RMND5B: variants seen among roughly 807,000 people sequenced by gnomAD.
RMND5B encodes the protein E3 ubiquitin-protein transferase RMND5B.
A neutral mutation model predicts 50.4 loss-of-function variants in RMND5B; 42 were observed. The ratio of observed to expected loss-of-function variants is 0.83; its 90% confidence interval spans 0.65 to 1.08. The LOEUF (loss-of-function observed/expected upper bound fraction) is 1.08, where lower values mean the gene tolerates loss of function less well. Ranked by LOEUF, RMND5B falls within the 50% of genes least tolerant of loss-of-function variation. RMND5B has a pLI of 0.00. For missense variants in RMND5B, 463 were observed against 508.5 expected (o/e 0.91, Z 0.86); for synonymous variants, 220 against 210.0 (o/e 1.05, Z -0.41).
Position 178,132,070 on chromosome 5 carries a change from T to G in RMND5B, c.-13+694T>G, listed in dbSNP as rs547196864. ...GTTCACGCCCGTAATTCCAGCACTTTGGGAGGCTGAGACTGGCAGACGGCT... is the reference window on the plus strand; with the variant it reads ...GTTCACGCCCGTAATTCCAGCACTTGGGGAGGCTGAGACTGGCAGACGGCT... On this transcript the variant is annotated intron_variant, in intron 2 of 10. Coordinates refer to ENST00000313386, the MANE Select transcript of RMND5B (RefSeq NM_022762.5). 1.6e-3 allele frequency among the ~76,000 whole-genome samples: 244 copies of G among 152,256 alleles called. 2 individuals carry two copies. The highest frequency in any genetic ancestry group is 5.4e-3 in the African/African-American group (223 of 41,546).
At chr5:178,142,483 C>T (rs1423358127) in intron 3 of RMND5B, 100 bp from the exon 4 acceptor site, 1 of 1,383,334 alleles carries the variant, frequency 7.2e-7, no homozygotes, top group Admixed American at 2.3e-5. Flanking sequence ...GGGCTGCCTC[C>T]TGGGCTACGG....
intron 3 of RMND5B, among the ~76,000 whole-genome samples, chr5:178,139,129 C>T (rs553714669): frequency 3.3e-5 from 5 of 151,988 alleles, no homozygotes; most frequent in Admixed American, 2.0e-4. Context: ...GAGCAAGACT[C>T]GTCTCAAAAA....
chr5:178,143,682 G>A lies in RMND5B; in HGVS notation c.482G>A (p.Arg161Gln). 1 of 1,614,152 alleles carries A rather than the reference G, an allele frequency of 6.2e-7. No individual in the cohort carries two copies. Among genetic ancestry groups the A allele is most frequent in the East Asian group, 2.2e-5 (1 of 44,892 alleles). ...AAGCAGCCTTTCCTAGAGTTGAATC[G>A]AATCCTGGAAGCCCTGCACGAACAA... ...DFKQPFLELN[R>Q]ILEALHEQDL... is the part of the protein sequence containing the mutation. Residue 161 changes from arginine to glutamine, a missense_variant, in exon 6 of 11, where the codon CGA (arginine) becomes CAA (glutamine). Transcript: ENST00000313386.
Position 178,148,376 on chromosome 5 carries a change from C to T in RMND5B, c.*344C>T. ...ACATCCTTCCACCCCTGCCCTCAGC[C>T]AAGTCTCTTGCTGCCATGCCAATGC... On this transcript the variant is annotated 3_prime_UTR_variant, in exon 11 of 11. Transcript: ENST00000313386. 2.7e-6 allele frequency: 1 copy of T among 375,554 alleles called. No homozygotes were observed. The highest frequency in any genetic ancestry group is 6.2e-5 in the East Asian group (1 of 16,144). 23.3% of individuals were successfully genotyped at this position (375,554 alleles called of 1,614,324 possible).
Position 178,138,303 on chromosome 5 carries a change from G to T in RMND5B, c.139+45G>T, listed in dbSNP as rs1340769424. On this transcript the variant is annotated intron_variant, in intron 3 of 10. Coordinates refer to ENST00000313386, the MANE Select transcript of RMND5B (RefSeq NM_022762.5). This position sits in a 1 kb window ranked among gnomAD's most constrained non-coding sequence, Gnocchi z 5.1. ...AGTGCCCTGCGACAGCCTCCCTGAG[G>T]ACATGGGAGACCCGAAGCTACTGAG... 6.2e-7 allele frequency: 1 copy of T among 1,600,444 alleles called. No individual in the cohort carries two copies.
rs760387337 is a variant in RMND5B at position 178,148,446 on chromosome 5, C to T, written c.*414C>T. On this transcript the variant is annotated 3_prime_UTR_variant, in exon 11 of 11. Transcript: ENST00000313386. ...CGGCCCAAGAGTGTCCAGCGGTGGC[C>T]CACCTCTTCCTCCCACTACAGCCTC... The T allele has an allele frequency of 5.8e-5, 15 of 256,808 alleles. No homozygotes were observed. The highest frequency in any genetic ancestry group is 8.9e-5 in the African/African-American group (4 of 44,942). 15.9% of individuals were successfully genotyped at this position (256,808 alleles called of 1,614,324 possible). A position where few individuals can be genotyped will look rare whatever the true frequency, so the allele number is the denominator to read the frequency against.
In RMND5B at chr5:178,148,667, T is replaced by A. The variant is rs1756176477; in HGVS notation, c.*635T>A. 1 of 154,028 alleles carries A rather than the reference T, an allele frequency of 6.5e-6. No homozygotes were observed. Among genetic ancestry groups the A allele is most frequent in the African/African-American group, 2.4e-5 (1 of 41,460 alleles). 9.5% of individuals were successfully genotyped at this position (154,028 alleles called of 1,614,324 possible). A position where few individuals can be genotyped will look rare whatever the true frequency, so the allele number is the denominator to read the frequency against. On this transcript the variant is annotated 3_prime_UTR_variant, in exon 11 of 11. Coordinates refer to ENST00000313386, the MANE Select transcript of RMND5B (RefSeq NM_022762.5). ...CTGGTGGCTGCCGCAAACAAAAACA[T>A]GGCCAGCAGGTATCCAGTGTCCAGG...
rs902899084 is a variant in RMND5B, at chr5:178,138,509, C to T, written c.139+251C>T. On this transcript the variant is annotated intron_variant, in intron 3 of 10. Coordinates refer to ENST00000313386, the MANE Select transcript of RMND5B (RefSeq NM_022762.5). This position sits in a 1 kb window ranked among gnomAD's most constrained non-coding sequence, Gnocchi z 5.1. The stretch of plus-strand genomic sequence containing the variant: ...TACTTTTCTATTTTTAACTTTTTTT[C>T]ATTTTATAATTGTGTGTGTGTGTGT... 1.6e-5 allele frequency: 12 copies of T among 760,482 alleles called. No individual in the cohort carries two copies. The African/African-American group carries it at 1.7e-4, about 11-fold the overall frequency. The allele number at this position is 760,482 out of a possible 1,614,324, so 47.1% of individuals were successfully genotyped here.
chr5:178,145,494 A>G (rs1175166804), intron 7 of RMND5B, among the ~76,000 whole-genome samples: 2 of 145,876 alleles, frequency 1.4e-5, no homozygotes, highest in African/African-American at 5.2e-5. Context: ...CTCTGTCTCA[A>G]AAAAAAAAAA....
Position 178,138,442 on chromosome 5 carries a change from A to G in RMND5B, c.139+184A>G. On this transcript the variant is annotated intron_variant, in intron 3 of 10. Transcript: ENST00000313386. The surrounding 1 kb of genome is among the most constrained non-coding windows in gnomAD (Gnocchi z 5.1). ...ACTTCAAAAAGCCCAACAAATTATT[A>G]ATTTACCTGAGATGATTCCCATTTA... 7.4e-7 allele frequency: 1 copy of G among 1,358,416 alleles called. No homozygotes were observed. Among genetic ancestry groups the G allele is most frequent in the Non-Finnish European group, 9.5e-7 (1 of 1,053,152 alleles). 84.1% of individuals were successfully genotyped at this position (1,358,416 alleles called of 1,614,324 possible). A position where few individuals can be genotyped will look rare whatever the true frequency, so the allele number is the denominator to read the frequency against.
rs2113462671 is a variant in RMND5B, at chr5:178,149,729, A to G, written c.*1697A>G. ...CGGAGCCCCTCATAGGGGTAGGGGC[A>G]GGGACTGCACCTCCTCCAGGCACTC... On this transcript the variant is annotated 3_prime_UTR_variant, in exon 11 of 11. Transcript: ENST00000313386. The G allele has an allele frequency of 6.2e-7, 1 of 1,613,966 alleles. No homozygotes were observed. The highest frequency in any genetic ancestry group is 1.3e-5 in the African/African-American group (1 of 75,058).
At chr5:178,132,713 A>AAC (rs1758381447) in intron 2 of RMND5B, among the ~76,000 whole-genome samples, 1 of 141,136 alleles carries the variant, frequency 7.1e-6, no homozygotes, top group African/African-American at 2.6e-5. Flanking sequence ...TGGCCTGGGA[A>AAC]ACAGATTGAG....
rs372169154 is a variant in RMND5B at position 178,143,000 on chromosome 5, C to T, written c.426+8C>T. ...GCCGAGGAGCTGTGCCAGGTACAGT[C>T]GGGCTGGGCGGGCGCAACAACCTGC... On this transcript the variant is annotated splice_region_variant and intron_variant, in intron 5 of 10. Coordinates refer to ENST00000313386, the MANE Select transcript of RMND5B (RefSeq NM_022762.5). 68 of 1,605,494 alleles carry T rather than the reference C, an allele frequency of 4.2e-5. No individual in the cohort carries two copies. The highest frequency in any genetic ancestry group is 4.0e-4 in the East Asian group (18 of 44,794).
In RMND5B at chr5:178,149,912, C is replaced by CAGGAAGTCA; in HGVS notation, c.*1880_*1881insAGGAAGTCA. On this transcript the variant is annotated 3_prime_UTR_variant, in exon 11 of 11. Transcript: ENST00000313386. Reference sequence around the variant, plus strand: ...ATGCCAGGAAGTCACCAACTGATGACCCACCAGCCTAATCTGGCCCACAAC... The same window carrying CAGGAAGTCA: ...ATGCCAGGAAGTCACCAACTGATGACAGGAAGTCACCACCAGCCTAATCTGGCCCACAAC... 3 of 1,538,024 alleles carry CAGGAAGTCA rather than the reference C, an allele frequency of 2.0e-6. No individual in the cohort carries two copies. In the African/African-American group the frequency reaches 4.1e-5, roughly 21 times the overall value.
intron 5 of RMND5B, 67 bp from the exon 6 acceptor site, chr5:178,143,560 G>A (rs542002099): frequency 1.6e-6 from 2 of 1,238,624 alleles, no homozygotes; most frequent in South Asian, 2.4e-5. Context: ...CTTTTATTAT[G>A]TGCATAGCAG....
chr5:178,144,193 C>T, intron 7 of RMND5B, 85 bp downstream of exon 7: 3 of 1,459,332 alleles, frequency 2.1e-6, no homozygotes, highest in East Asian at 2.3e-5. Context: ...CCAGTCCCTG[C>T]ACCCATGTGG....
At chr5:178,142,407 C>T (rs941468198) in intron 3 of RMND5B, 176 bp from the exon 4 acceptor site, 1 of 730,220 alleles carries the variant, frequency 1.4e-6, no homozygotes, top group African/African-American at 1.8e-5. Flanking sequence ...TTGAGCAGTT[C>T]CAAGTCAGAC....
chr5:178,137,613 TG>T lies in RMND5B; in HGVS notation c.-12-489del, dbSNP rs1030482709. Among the ~76,000 whole-genome samples the T allele has an allele frequency of 6.6e-6, 1 of 152,102 alleles. No homozygotes were observed. The highest frequency in any genetic ancestry group is 6.5e-5 in the Admixed American group (1 of 15,288). On this transcript the variant is annotated intron_variant, in intron 2 of 10. Transcript: ENST00000313386. This position sits in a 1 kb window ranked among gnomAD's most constrained non-coding sequence, Gnocchi z 4.4. ...CTAAAGTGGGAGAATCCCTTGGGCC[TG>T]GGGGGATCAAGGTTGCCATGAGCTG...
At chr5:178,133,344 G>GACA (rs1332440212) in intron 2 of RMND5B, 1 of 152,104 alleles carries the variant, frequency 6.6e-6, no homozygotes, top group Admixed American at 6.6e-5. Context: ...CTACACATTT[G>GACA]AGCTCAGGTT....
Sources: gnomAD v4.1 joint callset for allele counts (sites outside exome capture counted in the v4.1 genomes callset) on GRCh38, gnomAD v4.1.1 for gene constraint, Gnocchi (gnomAD v3.1) non-coding constraint, MANE v1.5 for transcripts, NCBI Gene and HGNC (gene_info 2026-07-23, HGNC 2026-07-21) for gene names.